PPP2R3C: variants seen among roughly 807,000 people sequenced by gnomAD.
PPP2R3C encodes the protein protein phosphatase 2 regulatory subunit B''gamma.
A neutral mutation model predicts 63.7 loss-of-function variants in PPP2R3C; 47 were observed. That is an observed-to-expected ratio of 0.74 (90% CI 0.58 to 0.94). The LOEUF is 0.94. PPP2R3C is among the 40% of genes least tolerant of loss of function. The probability of loss-of-function intolerance (pLI) is 0.00; values close to 1 mark genes in which losing one functional copy is unlikely to be tolerated. For synonymous variants in PPP2R3C, 180 were observed against 177.4 expected (o/e 1.01, Z -0.12); for missense variants, 421 against 518.4 (o/e 0.81, Z 1.82).
At chr14:35,100,621 C>T (rs2046155947) in intron 6 of PPP2R3C, 2 of 152,184 alleles carry the variant, frequency 1.3e-5, no homozygotes, top group East Asian at 3.8e-4. Flanking sequence ...ATTTTCAATA[C>T]TGGATCTCAA....
intron 4 of PPP2R3C, 95 bp downstream of exon 4, chr14:35,109,724 G>T (rs2046485611): frequency 3.0e-6 from 3 of 1,006,596 alleles, no homozygotes; most frequent in East Asian, 2.7e-5. Context: ...CAAAACTGCT[G>T]GGATTACAGG....
intron 12 of PPP2R3C, 134 bp downstream of exon 12, chr14:35,087,817 A>G: frequency 1.5e-6 from 1 of 672,870 alleles, no homozygotes; most frequent in Middle Eastern, 4.1e-4. Flanking sequence ...AATGATTTAA[A>G]TATCAGTTCA....
chr14:35,104,131 C>A (rs1330778011), intron 6 of PPP2R3C, among the ~76,000 whole-genome samples: 2 of 152,160 alleles, frequency 1.3e-5, no homozygotes, highest in African/African-American at 4.8e-5. Context: ...ATCAAGTGAA[C>A]TGCTAACAAG....
Position 35,121,918 on chromosome 14 carries a change from G to C in PPP2R3C, c.42C>G (p.Pro14=). The C allele has an allele frequency of 1.9e-6, 3 of 1,614,128 alleles. No homozygotes were observed. Among genetic ancestry groups the C allele is most frequent in the Non-Finnish European group, 2.5e-6 (3 of 1,180,018 alleles). The part of the protein sequence containing the change: ...KEVLRRRLAT[P]NTCPNKKKSE... ...AAAACTCACTGTTTGGACAGGTGTT[G>C]GGCGTCGCTAGGCGCCGACGAAGAA... Residue 14 remains proline (P), a synonymous_variant, in exon 1 of 13, where the codon CCC becomes CCG. Transcript: ENST00000261475.
intron 2 of PPP2R3C, among the ~76,000 whole-genome samples, chr14:35,111,298 G>A (rs8014945): frequency 0.071 from 10,635 of 149,186 alleles, 502 homozygotes; most frequent in Non-Finnish European, 0.11. Flanking sequence ...ACTGGAGATT[G>A]ACAATTTCAA....
intron 5 of PPP2R3C, chr14:35,107,887 C>A: frequency 4.6e-6 from 2 of 433,360 alleles, no homozygotes; most frequent in Non-Finnish European, 4.0e-6. Context: ...TTCAAATTAC[C>A]ATACATTAAA....
chr14:35,108,747 C>T (rs574402485), intron 4 of PPP2R3C, among the ~76,000 whole-genome samples: 3 of 151,316 alleles, frequency 2.0e-5, no homozygotes, highest in African/African-American at 7.3e-5. Flanking sequence ...TGCAGCCTAG[C>T]GACAGAGCAA....
In PPP2R3C at chr14:35,113,975, C is replaced by T. The variant is rs200994724; in HGVS notation, c.186+2635G>A. 3.3e-5 allele frequency among the ~76,000 whole-genome samples: 5 copies of T among 152,072 alleles called. No individual in the cohort carries two copies. The East Asian group carries it at 7.7e-4, about 23-fold the overall frequency. ...CATTGAGAACCCAAGAACCTATGTT[C>T]GATAACAGTAACATATTATTTAAGA... is the stretch of plus-strand genomic sequence containing the variant. On this transcript the variant is annotated intron_variant, in intron 2 of 12. Transcript: ENST00000261475.
intron 11 of PPP2R3C, among the ~76,000 whole-genome samples, chr14:35,089,787 T>C (rs1267035683): frequency 6.6e-6 from 1 of 152,016 alleles, no homozygotes; most frequent in African/African-American, 2.4e-5. Context: ...TGCCTCAGCC[T>C]CCCGAGTAGC....
intron 9 of PPP2R3C, among the ~76,000 whole-genome samples, 162 bp downstream of exon 9, chr14:35,096,396 G>A (rs761698636): frequency 3.9e-5 from 6 of 152,014 alleles, no homozygotes; most frequent in Admixed American, 6.6e-5. Flanking sequence ...TTAAAACATC[G>A]GTATTTAAAC....
intron 2 of PPP2R3C, among the ~76,000 whole-genome samples, chr14:35,116,249 C>G (rs2046706241): frequency 6.6e-6 from 1 of 151,524 alleles, no homozygotes; most frequent in Admixed American, 6.6e-5. Flanking sequence ...TTTAAAACTA[C>G]TTTTTTTTCT....
At chr14:35,096,025 A>G (rs1398060669) in intron 9 of PPP2R3C, among the ~76,000 whole-genome samples, 1 of 152,140 alleles carries the variant, frequency 6.6e-6, no homozygotes, top group African/African-American at 2.4e-5. Context: ...ATTCTGTTCT[A>G]TTGAAAAGGA....
chr14:35,120,640 GAGA>G (rs1385696313), intron 1 of PPP2R3C, among the ~76,000 whole-genome samples: 1 of 152,128 alleles, frequency 6.6e-6, no homozygotes, highest in Admixed American at 6.5e-5. Context: ...TGTAGGAGAT[GAGA>G]AGAATAGTGT....
intron 1 of PPP2R3C, among the ~76,000 whole-genome samples, chr14:35,117,401 A>C (rs936001713): frequency 3.9e-5 from 6 of 152,204 alleles, no homozygotes; most frequent in Non-Finnish European, 8.8e-5. Flanking sequence ...TGGGTCCTGC[A>C]ACTCCAAAGA....
At chr14:35,107,684 T>C in intron 5 of PPP2R3C, 1 of 371,166 alleles carries the variant, frequency 2.7e-6, no homozygotes, top group East Asian at 4.5e-5. Context: ...CTGAGGTTAA[T>C]TACAGCAACC....
chr14:35,088,636 A>G (rs893801743), intron 11 of PPP2R3C, among the ~76,000 whole-genome samples: 30 of 152,340 alleles, frequency 2.0e-4, no homozygotes, highest in African/African-American at 7.0e-4. Context: ...CTCTGTTACC[A>G]CTAATAATCA....
chr14:35,109,787 A>C, intron 4 of PPP2R3C, 32 bp downstream of exon 4: 1 of 1,500,698 alleles, frequency 6.7e-7, no homozygotes, highest in Non-Finnish European at 9.2e-7. Context: ...GCTTAACATA[A>C]CACATTCTTT....
At chr14:35,115,549 A>G (rs917329475) in intron 2 of PPP2R3C, among the ~76,000 whole-genome samples, 2 of 151,164 alleles carry the variant, frequency 1.3e-5, no homozygotes, top group African/African-American at 2.4e-5. Context: ...CTTAAGGTCT[A>G]TTTTGTCTAT....
intron 1 of PPP2R3C, among the ~76,000 whole-genome samples, chr14:35,120,385 T>C (rs1047593113): frequency 5.3e-5 from 8 of 150,804 alleles, no homozygotes; most frequent in African/African-American, 1.7e-4. Flanking sequence ...GCTGGGACTA[T>C]AGGCGCCCGC....
Sources: gnomAD v4.1 joint callset for allele counts (sites outside exome capture counted in the v4.1 genomes callset) on GRCh38, gnomAD v4.1.1 for gene constraint, MANE v1.5 for transcripts, NCBI Gene and HGNC (gene_info 2026-07-23, HGNC 2026-07-21) for gene names.